The following SCHIP1 variants were observed in gnomAD, a reference collection of about 807,000 sequenced individuals.
SCHIP1 encodes schwannomin-interacting protein 1.
Under a neutral mutation model 29.7 loss-of-function variants are expected in SCHIP1, and 8 were observed. The ratio of observed to expected loss-of-function variants is 0.27; its 90% CI spans 0.16 to 0.49. The LOEUF (loss-of-function observed/expected upper bound fraction) is 0.49. SCHIP1 is among the 20% of genes least tolerant of loss of function. SCHIP1 has a pLI of 0.99. For synonymous variants in SCHIP1, 76 were observed against 94.9 expected (o/e 0.80, Z 1.16); for missense variants, 193 against 294.6 (o/e 0.66, Z 2.52).
At chr3:159,377,932 CT>C in the SCHIP1 span, among the ~76,000 whole-genome samples, 60 of 152,116 alleles carry the variant, frequency 3.9e-4, no homozygotes, top group African/African-American at 1.4e-3. Context: ...TCATCAGGCA[CT>C]GTCTTTGGTA....
the SCHIP1 span, among the ~76,000 whole-genome samples, chr3:159,747,922 A>G: frequency 1.3e-5 from 2 of 152,242 alleles, no homozygotes; most frequent in Non-Finnish European, 2.9e-5. Context: ...GATTTGTCTC[A>G]TTAAAGTGGA....
At chr3:159,601,623 A>G in the SCHIP1 span, among the ~76,000 whole-genome samples, 2 of 152,220 alleles carry the variant, frequency 1.3e-5, no homozygotes, top group African/African-American at 4.8e-5. Flanking sequence ...GCAAAGCTGG[A>G]GCACCAGAGT....
At chr3:159,663,992 T>TA in the SCHIP1 span, among the ~76,000 whole-genome samples, 1 of 152,164 alleles carries the variant, frequency 6.6e-6, no homozygotes, top group Admixed American at 6.5e-5. Context: ...GTGTGAAAAA[T>TA]AAAAACAAAG....
chr3:159,440,078 A>G, the SCHIP1 span, among the ~76,000 whole-genome samples: 1 of 152,124 alleles, frequency 6.6e-6, no homozygotes, highest in Non-Finnish European at 1.5e-5. Flanking sequence ...TTGGTTTTGC[A>G]TATGGTGTAA....
At chr3:159,812,375 A>C in the SCHIP1 span, among the ~76,000 whole-genome samples, 7 of 152,218 alleles carry the variant, frequency 4.6e-5, no homozygotes, top group Admixed American at 4.6e-4. Flanking sequence ...CTCATGATAC[A>C]TATTCTTATC....
At chr3:159,484,575 A>G in the SCHIP1 span, among the ~76,000 whole-genome samples, 2 of 152,158 alleles carry the variant, frequency 1.3e-5, no homozygotes, top group African/African-American at 4.8e-5. Context: ...TTTTGTCATA[A>G]CCCAAAGAAA....
the SCHIP1 span, among the ~76,000 whole-genome samples, chr3:159,378,665 T>A: frequency 6.6e-6 from 1 of 152,196 alleles, no homozygotes; most frequent in Non-Finnish European, 1.5e-5. Flanking sequence ...TCAGGAAGCC[T>A]CTTAGCTCTC....
At chr3:159,679,939 A>G in the SCHIP1 span, among the ~76,000 whole-genome samples, 1 of 151,950 alleles carries the variant, frequency 6.6e-6, no homozygotes, top group Admixed American at 6.5e-5. Flanking sequence ...CCAGACATCC[A>G]AGAGCACCCT....
chr3:159,405,942 G>T, the SCHIP1 span, among the ~76,000 whole-genome samples: 4 of 149,406 alleles, frequency 2.7e-5, no homozygotes, highest in Non-Finnish European at 4.5e-5. Context: ...TAATTAAAAA[G>T]AATAAAACGT....
chr3:159,659,150 G>A, the SCHIP1 span, among the ~76,000 whole-genome samples: 528 of 152,304 alleles, frequency 3.5e-3, 6 homozygotes, highest in African/African-American at 0.012. Flanking sequence ...TCTGAATTTT[G>A]TTGATCAGAC....
chr3:159,884,308 T>C (rs1029644740), intron 2 of SCHIP1, among the ~76,000 whole-genome samples: 3 of 151,866 alleles, frequency 2.0e-5, no homozygotes, highest in Non-Finnish European at 4.4e-5. Flanking sequence ...CCTGAACATA[T>C]TAGATTTCTC....
chr3:159,374,509 C>T, the SCHIP1 span, among the ~76,000 whole-genome samples: 35 of 152,112 alleles, frequency 2.3e-4, no homozygotes, highest in East Asian at 7.7e-4. Context: ...CCACATATCA[C>T]GAAGAAGCAG....
the SCHIP1 span, among the ~76,000 whole-genome samples, chr3:159,558,219 C>T: frequency 6.6e-6 from 1 of 152,122 alleles, no homozygotes; most frequent in African/African-American, 2.4e-5. Context: ...TTCCTAAATA[C>T]CAGCTAGAGA....
At chr3:159,639,599 C>T in the SCHIP1 span, among the ~76,000 whole-genome samples, 3 of 152,156 alleles carry the variant, frequency 2.0e-5, no homozygotes, top group African/African-American at 7.2e-5. Flanking sequence ...AGAGTTCCAG[C>T]AGTAAATCCA....
At chr3:159,535,152 T>C in the SCHIP1 span, among the ~76,000 whole-genome samples, 1 of 152,164 alleles carries the variant, frequency 6.6e-6, no homozygotes, top group African/African-American at 2.4e-5. Flanking sequence ...AATGACAGCA[T>C]AGTATTATGA....
At chr3:159,524,339 G>A in the SCHIP1 span, among the ~76,000 whole-genome samples, 9 of 152,216 alleles carry the variant, frequency 5.9e-5, no homozygotes, top group African/African-American at 1.2e-4. Context: ...AGAACTGTGT[G>A]TAATCCTTTT....
chr3:159,843,135 C>T (rs1184294223), intron 1 of SCHIP1, among the ~76,000 whole-genome samples: 1 of 149,522 alleles, frequency 6.7e-6, no homozygotes, highest in Non-Finnish European at 1.5e-5. Context: ...ACCTCAGTCT[C>T]CTGAGTAGCT....
chr3:159,371,669 G>A, the SCHIP1 span, among the ~76,000 whole-genome samples: 6 of 152,084 alleles, frequency 3.9e-5, no homozygotes, highest in Admixed American at 1.3e-4. Context: ...CAAAATTCAC[G>A]GATGCTGAGG....
At chr3:159,633,421 A>G in the SCHIP1 span, among the ~76,000 whole-genome samples, 2 of 152,178 alleles carry the variant, frequency 1.3e-5, no homozygotes, top group Non-Finnish European at 2.9e-5. Flanking sequence ...TGGAGGTGGG[A>G]GAGAGAGAAA....
Sources: allele counts gnomAD v4.1 joint callset (sites outside exome capture counted in the v4.1 genomes callset), GRCh38; gene constraint gnomAD v4.1.1; transcripts MANE v1.5; gene names NCBI Gene and HGNC (gene_info 2026-07-23, HGNC 2026-07-21).